CHD2: variants seen among roughly 807,000 people sequenced by gnomAD.
The protein encoded by CHD2 is ATP-dependent chromatin remodeler CHD2.
In CHD2, 28 loss-of-function variants were observed where a neutral mutation model predicts 243.9. The observed-to-expected ratio is 0.11, with a 90% CI of 0.09 to 0.16. The LOEUF (loss-of-function observed/expected upper bound fraction) is 0.16, where lower values mean the gene tolerates loss of function less well. CHD2 is among the 10% of genes least tolerant of loss of function. CHD2 has a pLI of 1.00. For missense variants in CHD2, 1,386 were observed against 2,209.8 expected, an observed-to-expected ratio of 0.63 and a Z score of 7.47; for synonymous variants, 775 against 779.0, an observed-to-expected ratio of 0.99 and a Z score of 0.09.
At chr15:92,915,205 G>A (rs1362000283) in intron 2 of CHD2, among the ~76,000 whole-genome samples, 2 of 152,112 alleles carry the variant, frequency 1.3e-5, no homozygotes, top group Non-Finnish European at 2.9e-5. Context: ...GAACTGATCA[G>A]TTCTACAGTG....
intron 34 of CHD2, among the ~76,000 whole-genome samples, chr15:93,008,534 G>C (rs142865635): frequency 6.6e-6 from 1 of 152,084 alleles, no homozygotes; most frequent in East Asian, 1.9e-4. Context: ...TCCTGGCTTC[G>C]AATTTCATTT....
intron 2 of CHD2, among the ~76,000 whole-genome samples, chr15:92,917,210 G>A (rs2052856072): frequency 6.6e-6 from 1 of 152,182 alleles, no homozygotes. Flanking sequence ...AAGAAGCACA[G>A]GACTTGAACC....
rs112540215 is a variant in CHD2, at chr15:92,982,593, G to C, written c.3066+1136G>C. Among the ~76,000 whole-genome samples the C allele has an allele frequency of 4.6e-3, 708 of 152,280 alleles. 3 individuals are homozygous for C. Among genetic ancestry groups the C allele is most frequent in the Admixed American group, 8.2e-3 (126 of 15,284 alleles). Reference sequence around the variant, plus strand: ...AGCTTGGAAGGAAGGATTGACCATGGGTTGATTCCATGGAGGTAGAGAAGC... The same window carrying C: ...AGCTTGGAAGGAAGGATTGACCATGCGTTGATTCCATGGAGGTAGAGAAGC... On this transcript the variant is annotated intron_variant, in intron 24 of 38. Transcript: ENST00000394196.
At chr15:92,904,580 C>T (rs2141703271) in intron 2 of CHD2, 2 of 1,035,780 alleles carry the variant, frequency 1.9e-6, no homozygotes, top group Non-Finnish European at 1.2e-6. Context: ...TCCGCCCTTG[C>T]CTGTAGCGGT....
At chr15:92,944,304 C>T (rs1191632018) in intron 9 of CHD2, 111 bp from the exon 10 acceptor site, 2 of 549,208 alleles carry the variant, frequency 3.6e-6, no homozygotes, top group East Asian at 2.8e-5. Flanking sequence ...ACTTAAGGGG[C>T]AGATGGGAGT....
chr15:92,935,034 C>G (rs943379094), intron 5 of CHD2, among the ~76,000 whole-genome samples: 5 of 141,498 alleles, frequency 3.5e-5, no homozygotes, highest in African/African-American at 5.0e-5. Flanking sequence ...TTCTTTCTTT[C>G]TTTCTTTTTT....
Position 92,923,561 on chromosome 15 carries a change from G to GTT in CHD2, c.63-741_63-740dup, listed in dbSNP as rs1199703270. Among the ~76,000 whole-genome samples, 112 of 121,514 alleles carry GTT rather than the reference G, an allele frequency of 9.2e-4. 2 individuals are homozygous for GTT. The highest frequency in any genetic ancestry group is 1.4e-3 in the African/African-American group (46 of 32,840). The allele number at this position is 121,514 out of a possible 152,430, so 79.7% of individuals were successfully genotyped here. A position where few individuals can be genotyped will look rare whatever the true frequency, so the allele number is the denominator to read the frequency against. ...AGGCTTGAGCCACTGTGTCCAGCTT[G>GTT]TTTTTTTTTTTTTTTTTTTTCTGGA... On this transcript the variant is annotated intron_variant, in intron 2 of 38. Coordinates refer to ENST00000394196, the MANE Select transcript of CHD2 (RefSeq NM_001271.4).
At chr15:92,906,767 A>G (rs556082586) in intron 2 of CHD2, among the ~76,000 whole-genome samples, 45 of 148,952 alleles carry the variant, frequency 3.0e-4, no homozygotes, top group Non-Finnish European at 5.2e-4. Flanking sequence ...ATATGGTGTC[A>G]CTTGAACAAA....
At chr15:92,924,601 C>A in intron 3 of CHD2, 49 bp downstream of exon 3, 2 of 1,505,324 alleles carry the variant, frequency 1.3e-6, no homozygotes, top group Non-Finnish European at 1.8e-6. Flanking sequence ...CTAGGACAAG[C>A]TAGCAGACCT....
At chr15:92,993,282 A>G in intron 28 of CHD2, 1 of 324,672 alleles carries the variant, frequency 3.1e-6, no homozygotes, top group South Asian at 3.6e-5. Context: ...GTAAAAACCC[A>G]GGGGCAGAGC....
chr15:92,911,692 A>G (rs866249755), intron 2 of CHD2, among the ~76,000 whole-genome samples: 4 of 152,218 alleles, frequency 2.6e-5, no homozygotes, highest in Admixed American at 2.6e-4. Flanking sequence ...CTCAGATCGC[A>G]CCACTCCACT....
chr15:92,936,455 A>C (rs1162953532), intron 5 of CHD2, among the ~76,000 whole-genome samples: 1 of 152,192 alleles, frequency 6.6e-6, no homozygotes, highest in Non-Finnish European at 1.5e-5. Flanking sequence ...TCTTCTCTGT[A>C]GGTGAGAAAT....
In CHD2 at chr15:93,024,912, A is replaced by T. The variant is rs1596464147; in HGVS notation, c.*207A>T. 1.9e-6 allele frequency: 1 copy of T among 523,110 alleles called. No homozygotes were observed. Among genetic ancestry groups the T allele is most frequent in the Non-Finnish European group, 3.3e-6 (1 of 299,898 alleles). The allele number at this position is 523,110 out of a possible 1,614,324, so 32.4% of individuals were successfully genotyped here. A position where few individuals can be genotyped will look rare whatever the true frequency, so the allele number is the denominator to read the frequency against. ...CGGGTCACCACTCCTGCACTTTGGC[A>T]CCCCATCCCATTCCAGCCTAGTTCT... On this transcript the variant is annotated 3_prime_UTR_variant, in exon 39 of 39. Transcript: ENST00000394196.
rs148241802 is a variant in CHD2, at chr15:92,913,166, A to G, written c.63-11155A>G. ...CCAAGAATCTGTATGTTGAACAGCAACCTCAGTTGATTCTTGTACTGAGGC... is the reference window on the plus strand; with the variant it reads ...CCAAGAATCTGTATGTTGAACAGCAGCCTCAGTTGATTCTTGTACTGAGGC... On this transcript the variant is annotated intron_variant, in intron 2 of 38. Transcript: ENST00000394196. 4.8e-3 allele frequency among the ~76,000 whole-genome samples: 734 copies of G among 152,278 alleles called. 10 individuals carry two copies. The highest frequency in any genetic ancestry group is 0.016 in the African/African-American group (684 of 41,562).
chr15:92,934,924 A>G (rs114650586), intron 5 of CHD2, among the ~76,000 whole-genome samples: 136 of 151,986 alleles, frequency 8.9e-4, no homozygotes, highest in African/African-American at 3.2e-3. Context: ...AGCAGGGCTG[A>G]GGGTTGGTGA....
chr15:92,929,646 A>T (rs998781297), intron 5 of CHD2, among the ~76,000 whole-genome samples: 1 of 152,058 alleles, frequency 6.6e-6, no homozygotes, highest in Admixed American at 6.6e-5. Context: ...GATTTATATG[A>T]TATGAAATTA....
At chr15:92,923,757 G>A (rs1596379016) in intron 2 of CHD2, among the ~76,000 whole-genome samples, 1 of 152,044 alleles carries the variant, frequency 6.6e-6, no homozygotes, top group East Asian at 1.9e-4. Flanking sequence ...ATAGAGATGG[G>A]GTTTCACCGT....
At position 93,024,834 on chromosome 15, in the gene CHD2, C is replaced by CTCT. The variant is rs2054573166; in HGVS notation, c.*130_*131insCTT. 1.2e-5 allele frequency: 9 copies of CTCT among 775,190 alleles called. No homozygotes were observed. The highest frequency in any genetic ancestry group is 1.8e-5 in the Non-Finnish European group (9 of 493,266). The allele number at this position is 775,190 out of a possible 1,614,324, so 48.0% of individuals were successfully genotyped here. ...CATGCTGCTGCTGTCAACTCACTGG[C>CTCT]TGAAGGAGCACTTCAAGGAATGGGA... On this transcript the variant is annotated 3_prime_UTR_variant, in exon 39 of 39. Transcript: ENST00000394196.
chr15:93,009,473 C>T (rs1343456038), intron 35 of CHD2, 150 bp downstream of exon 35: 1 of 700,932 alleles, frequency 1.4e-6, no homozygotes, highest in Non-Finnish European at 2.3e-6. Context: ...GGCTTTAACT[C>T]CCTTTCCATG....
Sources: gnomAD v4.1 joint callset for allele counts (sites outside exome capture counted in the v4.1 genomes callset) on GRCh38, gnomAD v4.1.1 for gene constraint, MANE v1.5 for transcripts, NCBI Gene and HGNC (gene_info 2026-07-23, HGNC 2026-07-21) for gene names.